The following TTC34 variants were observed in gnomAD, a reference collection of about 807,000 sequenced individuals.
TTC34 encodes the protein tetratricopeptide repeat protein 34.
TTC34 carries 44 observed loss-of-function variants against 40.7 expected under a neutral mutation model. The ratio of observed to expected loss-of-function variants is 1.08; its 90% confidence interval spans 0.85 to 1.39. The LOEUF (loss-of-function observed/expected upper bound fraction) is 1.39. TTC34 is among the 40% of genes most tolerant of loss of function. TTC34 has a pLI of 0.00. For missense variants in TTC34, 884 were observed against 838.0 expected (o/e 1.05, Z -0.68); for synonymous variants, 422 against 398.6 (o/e 1.06, Z -0.70).
At chr1:2,769,746 C>T (rs1641996190) in intron 6 of TTC34, among the ~76,000 whole-genome samples, 1 of 150,330 alleles carries the variant, frequency 6.7e-6, no homozygotes, top group Non-Finnish European at 1.5e-5. Flanking sequence ...GGAGCAGCGC[C>T]CACACCCCCA....
At chr1:2,768,792 A>G (rs1325407446) in intron 6 of TTC34, among the ~76,000 whole-genome samples, 1 of 124,070 alleles carries the variant, frequency 8.1e-6, no homozygotes, top group Non-Finnish European at 1.7e-5. Context: ...TCAGGTGAGA[A>G]TATGACAGCC....
intron 6 of TTC34, among the ~76,000 whole-genome samples, chr1:2,656,376 C>T (rs1350254685): frequency 1.3e-5 from 1 of 79,906 alleles, no homozygotes; most frequent in Non-Finnish European, 2.5e-5. Context: ...GCACCCACAC[C>T]CACAGGTGAG....
intron 6 of TTC34, among the ~76,000 whole-genome samples, chr1:2,755,815 C>A (rs1174136004): frequency 9.4e-5 from 10 of 106,282 alleles, no homozygotes; most frequent in African/African-American, 1.9e-4. Context: ...TCTGGAGCAG[C>A]ACCCACAACC....
At chr1:2,760,566 C>T (rs1641661657) in intron 6 of TTC34, among the ~76,000 whole-genome samples, 1 of 31,916 alleles carries the variant, frequency 3.1e-5, no homozygotes, top group Non-Finnish European at 4.7e-5. Context: ...CACCCACACA[C>T]CCAGGTCAGC....
At chr1:2,748,968 G>T (rs1641231448) in intron 6 of TTC34, among the ~76,000 whole-genome samples, 1 of 132,588 alleles carries the variant, frequency 7.5e-6, no homozygotes, top group Admixed American at 7.8e-5. Flanking sequence ...GCTTCCCCAG[G>T]TGAGCATCTG....
At chr1:2,780,918 C>G (rs1643472431) in intron 6 of TTC34, among the ~76,000 whole-genome samples, 1 of 152,106 alleles carries the variant, frequency 6.6e-6, no homozygotes, top group Non-Finnish European at 1.5e-5. Context: ...TTGTTTATGT[C>G]TTATTTAATT....
chr1:2,649,623 C>A (rs375205737), intron 6 of TTC34, among the ~76,000 whole-genome samples: 1 of 152,164 alleles, frequency 6.6e-6, no homozygotes, highest in Non-Finnish European at 1.5e-5. Context: ...TCACTGCAAC[C>A]ACCGCCCCCA....
intron 6 of TTC34, among the ~76,000 whole-genome samples, chr1:2,753,284 A>C (rs1641387307): frequency 4.4e-5 from 5 of 113,992 alleles, no homozygotes; most frequent in Admixed American, 9.3e-5. Flanking sequence ...AGCCTGGAAC[A>C]GCACCCTGCA....
chr1:2,683,070 C>CA (rs1640147606), intron 6 of TTC34, among the ~76,000 whole-genome samples: 1 of 151,242 alleles, frequency 6.6e-6, no homozygotes, highest in Non-Finnish European at 1.5e-5. Flanking sequence ...CGCAGCCACA[C>CA]CCCCAGGCGA....
intron 6 of TTC34, among the ~76,000 whole-genome samples, chr1:2,687,411 G>C (rs560208981): frequency 2.6e-5 from 4 of 151,596 alleles, no homozygotes; most frequent in African/African-American, 7.3e-5. Flanking sequence ...CACACCCCCA[G>C]GTGAGCATCT....
At position 2,641,624 on chromosome 1, in the gene TTC34, G is replaced by A. The variant is rs540137911; in HGVS notation, c.2984C>T (p.Ala995Val). 434 of 1,534,646 alleles carry A rather than the reference G, an allele frequency of 2.8e-4. 4 individuals carry two copies. Among genetic ancestry groups the A allele is most frequent in the South Asian group, 3.1e-4 (26 of 83,930 alleles). Reference sequence around the variant, plus strand: ...GGCCTGGGCAAAGGCCCCTGCGGCCGCCGCCTCATCCCCCAGGCTCAGCAG... The same window carrying A: ...GGCCTGGGCAAAGGCCCCTGCGGCCACCGCCTCATCCCCCAGGCTCAGCAG... Residue 995 changes from alanine to valine, a missense_variant, in exon 9 of 9, where the codon GCG becomes GTG. By Grantham distance (64) the Ala-to-Val change is moderately conservative (BLOSUM62 0). Coordinates refer to ENST00000401095, the Ensembl canonical transcript of TTC34.
chr1:2,653,541 A>C, intron 6 of TTC34, among the ~76,000 whole-genome samples: 1 of 151,470 alleles, frequency 6.6e-6, no homozygotes, highest in Non-Finnish European at 1.5e-5. Context: ...CCAGGTGAGT[A>C]TCTGACGGCC....
chr1:2,775,762 A>T (rs1418935704), intron 6 of TTC34: 1 of 145,406 alleles, frequency 6.9e-6, no homozygotes, highest in Non-Finnish European at 1.5e-5. Context: ...CTTAGGTAAG[A>T]ATCTGAAAGC....
In TTC34 at chr1:2,698,948, C is replaced by G. The variant is rs567733293; in HGVS notation, c.2227-53385G>C. Among the ~76,000 whole-genome samples, 19 of 133,890 alleles carry G rather than the reference C, an allele frequency of 1.4e-4. 2 individuals carry two copies. In the East Asian group the frequency reaches 1.6e-3, roughly 11 times the overall value. The allele number at this position is 133,890 out of a possible 152,430, so 87.8% of individuals were successfully genotyped here. A position where few individuals can be genotyped will look rare whatever the true frequency, so the allele number is the denominator to read the frequency against. On this transcript the variant is annotated intron_variant, in intron 6 of 8. Transcript: ENST00000401095. ...CCTGCACCCTCAGGTGAGCATCTGA[C>G]AGCCTGGAACATCACCCTGCCCCCC...
intron 6 of TTC34, among the ~76,000 whole-genome samples, chr1:2,750,115 C>A: frequency 6.7e-6 from 1 of 149,582 alleles, no homozygotes; most frequent in Middle Eastern, 3.7e-3. Context: ...CCTGGAACAG[C>A]ACCCACACAC....
exon 9 of TTC34, chr1:2,637,571 T>C (rs1638817759): frequency 6.6e-6 from 1 of 152,246 alleles, no homozygotes; most frequent in Non-Finnish European, 1.5e-5. Context: ...TCCCCCATGC[T>C]GGCTGTGAGG....
intron 6 of TTC34, among the ~76,000 whole-genome samples, chr1:2,687,838 T>A (rs144069297): frequency 2.6e-5 from 2 of 78,098 alleles, no homozygotes; most frequent in African/African-American, 1.1e-4. Flanking sequence ...TCTGGAGCAT[T>A]ACCCACACCC....
At chr1:2,749,471 A>G (rs1373617795) in intron 6 of TTC34, among the ~76,000 whole-genome samples, 3,500 of 47,180 alleles carry the variant, frequency 0.074, 8 homozygotes, top group Middle Eastern at 0.15. Context: ...ACGGCCTGGA[A>G]CAGCACCCAC....
At chr1:2,688,473 T>G (rs1231030117) in intron 6 of TTC34, among the ~76,000 whole-genome samples, 1 of 136,100 alleles carries the variant, frequency 7.3e-6, no homozygotes, top group Admixed American at 7.4e-5. Flanking sequence ...TCCGACATTG[T>G]GGAGCAGCAC....
Sources: gnomAD v4.1 joint callset for allele counts (sites outside exome capture counted in the v4.1 genomes callset) on GRCh38, gnomAD v4.1.1 for gene constraint, MANE v1.5 for transcripts, NCBI Gene and HGNC (gene_info 2026-07-23, HGNC 2026-07-21) for gene names.